Variants in EYS observed in about 807,000 individuals in gnomAD.
EYS encodes the protein EGF-like photoreceptor maintenance factor.
EYS carries 250 observed loss-of-function variants against 282.1 expected under a neutral mutation model. The ratio of observed to expected loss-of-function variants is 0.89; its 90% CI spans 0.80 to 0.98. The LOEUF is 0.98. Among genes scored for constraint, EYS ranks in the 50% least tolerant of loss-of-function variants. The pLI, the probability that EYS is intolerant of heterozygous loss-of-function variation, is 0.00. For missense variants in EYS, 4,016 were observed against 3,709.0 expected (o/e 1.08, Z -2.15); for synonymous variants, 1,355 against 1,282.9 (o/e 1.06, Z -1.20).
intron 24 of EYS, among the ~76,000 whole-genome samples, chr6:64,594,887 A>G (rs1766531925): frequency 6.6e-6 from 1 of 151,836 alleles, no homozygotes; most frequent in Admixed American, 6.6e-5. Flanking sequence ...AAGAACTAAC[A>G]CCAATTCTTC....
At chr6:64,616,794 T>A (rs1582958241) in intron 24 of EYS, among the ~76,000 whole-genome samples, 1 of 152,122 alleles carries the variant, frequency 6.6e-6, no homozygotes, top group African/African-American at 2.4e-5. Context: ...TGAAGGCTGG[T>A]CTAATAATGA....
In EYS at chr6:64,655,914, C is replaced by G. The variant is rs989247490; in HGVS notation, c.3444-29669G>C. ...TCTTAACTGTTTTATGAGTTAACAC[C>G]TAAAAATATGTAAATTTATAATATG... On this transcript the variant is annotated intron_variant, in intron 22 of 42. Coordinates refer to ENST00000503581, the MANE Select transcript of EYS (RefSeq NM_001142800.2). Among the ~76,000 whole-genome samples the G allele has an allele frequency of 2.6e-5, 4 of 152,074 alleles. No homozygotes were observed. The South Asian group carries it at 8.3e-4, about 32-fold the overall frequency.
At chr6:64,757,393 A>T (rs1328630572) in intron 22 of EYS, among the ~76,000 whole-genome samples, 1 of 152,096 alleles carries the variant, frequency 6.6e-6, no homozygotes, top group Non-Finnish European at 1.5e-5. Flanking sequence ...AACTTTCTTT[A>T]TCAAAAGACT....
chr6:65,179,470 T>A (rs1765315779), intron 12 of EYS, among the ~76,000 whole-genome samples: 1 of 152,090 alleles, frequency 6.6e-6, no homozygotes, highest in Admixed American at 6.6e-5. Context: ...AAGAAATGGA[T>A]AAATTCCTCG....
chr6:64,604,737 A>T (rs1431887559), intron 24 of EYS, among the ~76,000 whole-genome samples: 1 of 152,044 alleles, frequency 6.6e-6, no homozygotes, highest in Non-Finnish European at 1.5e-5. Context: ...AGAATGCAGG[A>T]ATAAGGATCT....
chr6:65,402,402 C>T lies in EYS; in HGVS notation c.1184+76G>A, dbSNP rs1319146667. 7 of 1,052,558 alleles carry T rather than the reference C, an allele frequency of 6.7e-6. No individual in the cohort carries two copies. In the African/African-American group the frequency reaches 9.5e-5, roughly 14 times the overall value. The allele number at this position is 1,052,558 out of a possible 1,614,324, so 65.2% of individuals were successfully genotyped here. ...GTAAAAGTTAGGGTTAAAACCAGAA[C>T]ATCATTATATTTTTGTTCACATGAT... On this transcript the variant is annotated intron_variant, in intron 7 of 42. Coordinates refer to ENST00000503581, the MANE Select transcript of EYS (RefSeq NM_001142800.2).
At chr6:64,100,694 T>C (rs1431205424) in intron 31 of EYS, among the ~76,000 whole-genome samples, 1 of 152,196 alleles carries the variant, frequency 6.6e-6, no homozygotes, top group African/African-American at 2.4e-5. Context: ...GCACTTCTTA[T>C]ATTTCTAGTT....
chr6:64,968,941 A>G (rs1770196565), intron 14 of EYS, among the ~76,000 whole-genome samples: 1 of 152,196 alleles, frequency 6.6e-6, no homozygotes, highest in Non-Finnish European at 1.5e-5. Context: ...TCAATTCAAG[A>G]TATCTCTAAT....
intron 12 of EYS, among the ~76,000 whole-genome samples, chr6:65,128,494 T>G (rs1775780397): frequency 6.6e-6 from 1 of 152,022 alleles, no homozygotes; most frequent in Admixed American, 6.6e-5. Context: ...CAGTACAAAA[T>G]CAGTGTACAA....
At chr6:65,311,811 A>G (rs887433992) in intron 11 of EYS, among the ~76,000 whole-genome samples, 1 of 152,184 alleles carries the variant, frequency 6.6e-6, no homozygotes, top group Non-Finnish European at 1.5e-5. Flanking sequence ...AGCAGAAATC[A>G]GTGTAGGTAG....
At chr6:64,221,491 T>G (rs1766100893) in intron 31 of EYS, among the ~76,000 whole-genome samples, 1 of 152,124 alleles carries the variant, frequency 6.6e-6, no homozygotes, top group East Asian at 1.9e-4. Context: ...TCTCCAGGAC[T>G]ATGAACCATT....
chr6:64,293,107 CT>C (rs1283492506), intron 30 of EYS, among the ~76,000 whole-genome samples: 1 of 151,980 alleles, frequency 6.6e-6, no homozygotes, highest in East Asian at 1.9e-4. Context: ...CTTAAATTCC[CT>C]TGTGAAATGG....
At chr6:64,773,511 C>T (rs61298502) in intron 22 of EYS, among the ~76,000 whole-genome samples, 5,200 of 151,806 alleles carry the variant, frequency 0.034, 297 homozygotes, top group African/African-American at 0.12. Context: ...ATTGCTGGAT[C>T]GAATGTTAAT....
At chr6:65,023,843 C>T (rs527617411) in intron 13 of EYS, among the ~76,000 whole-genome samples, 6 of 152,336 alleles carry the variant, frequency 3.9e-5, no homozygotes, top group African/African-American at 1.4e-4. Context: ...CTTGCCCCTT[C>T]ATATACCACC....
Position 65,570,694 on chromosome 6 carries a change from C to T in EYS, c.-333+69084G>A, listed in dbSNP as rs142439104. ...AAGATAAACAGAGATGGACTCTTTC[C>T]TACAGTGTATCTAGAAATGGAAGCT... On this transcript the variant is annotated intron_variant, in intron 2 of 42. Coordinates refer to ENST00000503581, the MANE Select transcript of EYS (RefSeq NM_001142800.2). Among the ~76,000 whole-genome samples, 183 of 152,220 alleles carry T rather than the reference C, an allele frequency of 1.2e-3. 1 individual carries two copies. The highest frequency in any genetic ancestry group is 4.1e-3 in the African/African-American group (171 of 41,532).
chr6:64,152,216 A>G (rs1158339150), intron 31 of EYS, among the ~76,000 whole-genome samples: 1 of 152,220 alleles, frequency 6.6e-6, no homozygotes, highest in East Asian at 1.9e-4. Context: ...GAAAGAAGAC[A>G]GGAATTAGTG....
At chr6:65,430,746 A>G (rs1767853296) in intron 5 of EYS, among the ~76,000 whole-genome samples, 1 of 152,194 alleles carries the variant, frequency 6.6e-6, no homozygotes, top group African/African-American at 2.4e-5. Flanking sequence ...TCCAGGCCCT[A>G]GCTGCCAGAT....
At chr6:63,769,030 T>TG (rs1314017216) in intron 40 of EYS, among the ~76,000 whole-genome samples, 1 of 152,102 alleles carries the variant, frequency 6.6e-6, no homozygotes, top group Non-Finnish European at 1.5e-5. Flanking sequence ...TGAGTACATA[T>TG]GGACACAAAC....
chr6:64,108,682 A>G (rs551778342), intron 31 of EYS, among the ~76,000 whole-genome samples: 2 of 151,926 alleles, frequency 1.3e-5, no homozygotes, highest in Non-Finnish European at 2.9e-5. Context: ...AGGTTATGGA[A>G]GAATGACTCC....
Sources: gnomAD v4.1 joint callset for allele counts (sites outside exome capture counted in the v4.1 genomes callset) on GRCh38, gnomAD v4.1.1 for gene constraint, MANE v1.5 for transcripts, NCBI Gene and HGNC (gene_info 2026-07-23, HGNC 2026-07-21) for gene names.